TDRD12: variants seen among roughly 807,000 people sequenced by gnomAD.
TDRD12 encodes putative ATP-dependent RNA helicase TDRD12.
TDRD12 carries 158 observed loss-of-function variants against 133.5 expected under a neutral mutation model. The ratio of observed to expected loss-of-function variants is 1.18; its 90% confidence interval spans 1.04 to 1.35. The LOEUF (loss-of-function observed/expected upper bound fraction) is 1.35. TDRD12 is among the 40% of genes most tolerant of loss of function. TDRD12 has a pLI of 0.00. For missense variants in TDRD12, 1,443 were observed against 1,321.3 expected (o/e 1.09, Z -1.43); for synonymous variants, 460 against 477.9 (o/e 0.96, Z 0.49).
intron 11 of TDRD12, among the ~76,000 whole-genome samples, chr19:32,781,687 T>TTCTCTCTCTCTCTCTCTCTCTC (rs35069423): frequency 1.3e-5 from 2 of 148,292 alleles, no homozygotes; most frequent in African/African-American, 4.9e-5. Flanking sequence ...TCCTTTCCTT[T>TTCTCTCTCTCTCTCTCTCTCTC]TCTCTCTCTC....
At chr19:32,765,805 G>A (rs189015995) in intron 8 of TDRD12, among the ~76,000 whole-genome samples, 1 of 151,534 alleles carries the variant, frequency 6.6e-6, no homozygotes, top group East Asian at 1.9e-4. Flanking sequence ...CAAGTTAATG[G>A]GTGCAGCACA....
chr19:32,798,667 C>T lies in TDRD12; in HGVS notation c.1758+232C>T, dbSNP rs1971299604. ...TCTTTCCTAGAGATTTCCTAAAATA[C>T]TTAAAATTTTTCTGATTACAGAAGT... On this transcript the variant is annotated intron_variant, in intron 16 of 27. Coordinates refer to ENST00000444215, the Ensembl canonical transcript of TDRD12. 2.6e-5 allele frequency among the ~76,000 whole-genome samples: 4 copies of T among 152,278 alleles called. No homozygotes were observed. In the South Asian group the frequency reaches 8.3e-4, roughly 32 times the overall value.
At chr19:32,744,922 G>A (rs1217341513) in intron 4 of TDRD12, among the ~76,000 whole-genome samples, 1 of 152,182 alleles carries the variant, frequency 6.6e-6, no homozygotes, top group Non-Finnish European at 1.5e-5. Flanking sequence ...GGGCTGTTTG[G>A]TGACCTTCCC....
Position 32,766,623 on chromosome 19 carries a change from T to G in TDRD12, c.866-6130T>G, listed in dbSNP as rs373498575. On this transcript the variant is annotated intron_variant, in intron 8 of 27. Transcript: ENST00000444215. ...CCTTTGTTAGCTTATTAGCCATAAT[T>G]TTTTTTTTTGAGACAGAGTCTCGCT... 4.6e-5 allele frequency among the ~76,000 whole-genome samples: 7 copies of G among 151,196 alleles called. 1 individual carries two copies. Among genetic ancestry groups the G allele is most frequent in the African/African-American group, 1.7e-4 (7 of 41,268 alleles).
At chr19:32,793,983 G>A (rs1255389399) in intron 13 of TDRD12, among the ~76,000 whole-genome samples, 4 of 57,046 alleles carry the variant, frequency 7.0e-5, no homozygotes, top group Admixed American at 1.5e-4. Flanking sequence ...TAGTAGAGAC[G>A]GGGTTTCTGC....
chr19:32,802,997 G>A lies in TDRD12; in HGVS notation c.2407G>A (p.Val803Met), dbSNP rs1339370432. 6.5e-6 allele frequency: 10 copies of A among 1,536,110 alleles called. No individual in the cohort carries two copies. In the East Asian group the frequency reaches 2.0e-4, roughly 30 times the overall value. The stretch of plus-strand genomic sequence containing the variant: ...GACGGAGAAAGATGCGAGCCATGCG[G>A]TGGGCGTCCTGCGCTACTTGGAGCG... Residue 803 changes from valine to methionine, a missense_variant, in exon 21 of 28, where the codon GTG becomes ATG. Transcript: ENST00000444215.
chr19:32,798,435 G>A (rs1251324353), exon 16 of TDRD12: 1 of 1,532,052 alleles, frequency 6.5e-7, no homozygotes, highest in East Asian at 2.5e-5. Flanking sequence ...CCAATGAACA[G>A]GTGAGCGTGG....
exon 21 of TDRD12, chr19:32,803,139 G>T (rs1394062006): frequency 5.3e-6 from 8 of 1,513,120 alleles, no homozygotes; most frequent in Non-Finnish European, 7.0e-6. Flanking sequence ...TTTGGTTTTT[G>T]CAAGTGAGCC....
intron 4 of TDRD12, among the ~76,000 whole-genome samples, chr19:32,745,404 G>A (rs545316360): frequency 1.2e-4 from 19 of 152,270 alleles, no homozygotes; most frequent in South Asian, 2.1e-4. Flanking sequence ...CCCTTTTAAC[G>A]TGTGTATTAC....
At chr19:32,795,348 AAAAAG>A (rs973547849) in intron 14 of TDRD12, among the ~76,000 whole-genome samples, 7 of 152,014 alleles carry the variant, frequency 4.6e-5, no homozygotes, top group East Asian at 3.9e-4. Context: ...AAAAAAAAAA[AAAAAG>A]AAAGAAAAAG....
In TDRD12 at chr19:32,784,618, T is replaced by C. The variant is rs199673458; in HGVS notation, c.1122-5913T>C. On this transcript the variant is annotated intron_variant, in intron 11 of 27. Coordinates refer to ENST00000444215, the Ensembl canonical transcript of TDRD12. Reference sequence around the variant, plus strand: ...ATTCGGCTGTGAATCTGTCTGTTCCTGGAATTTTTTTTGGTTGGCAGGCTA... The same window carrying C: ...ATTCGGCTGTGAATCTGTCTGTTCCCGGAATTTTTTTTGGTTGGCAGGCTA... Among the ~76,000 whole-genome samples the C allele has an allele frequency of 3.9e-5, 6 of 152,322 alleles. No individual in the cohort carries two copies. The East Asian group carries it at 1.2e-3, about 29-fold the overall frequency.
At chr19:32,760,798 A>G (rs983648536) in intron 8 of TDRD12, among the ~76,000 whole-genome samples, 21 of 152,214 alleles carry the variant, frequency 1.4e-4, no homozygotes, top group African/African-American at 4.6e-4. Context: ...CTGTGCTTCC[A>G]TAGAGTTTAC....
At chr19:32,822,215 A>G (rs925955071), downstream of TDRD12, among the ~76,000 whole-genome samples, 4 of 152,206 alleles carry the variant, frequency 2.6e-5, no homozygotes, top group African/African-American at 9.6e-5. Flanking sequence ...AAATCACTTG[A>G]GGTCAGGAGT....
downstream of TDRD12, chr19:32,821,321 A>G: frequency 1.6e-6 from 1 of 612,354 alleles, no homozygotes; most frequent in Non-Finnish European, 2.9e-6. Context: ...TTTGAGGTCT[A>G]ACTTCCATCC....
chr19:32,818,907 A>G lies in TDRD12; in HGVS notation c.3383+750A>G, dbSNP rs562811762. On this transcript the variant is annotated intron_variant, in intron 27 of 27. Coordinates refer to ENST00000444215, the Ensembl canonical transcript of TDRD12. ...TGCTGGACTAGTGGGCTGCTGGGCT[A>G]GTGACTTGCTGGGTTAGTGGCCTGC... Among the ~76,000 whole-genome samples the G allele has an allele frequency of 2.6e-5, 4 of 152,134 alleles. No individual in the cohort carries two copies. In the East Asian group the frequency reaches 7.7e-4, roughly 29 times the overall value.
At chr19:32,726,268 G>C (rs2145416316) in intron 1 of TDRD12, among the ~76,000 whole-genome samples, 1 of 152,076 alleles carries the variant, frequency 6.6e-6, no homozygotes, top group East Asian at 1.9e-4. Context: ...TTTTAGTAGA[G>C]ACTGGGTTTC....
chr19:32,764,724 T>A (rs1970245998), intron 8 of TDRD12, among the ~76,000 whole-genome samples: 1 of 152,228 alleles, frequency 6.6e-6, no homozygotes. Flanking sequence ...ACTATAATTG[T>A]CTTGTTTTCT....
chr19:32,790,478 A>C, intron 11 of TDRD12, 53 bp from the exon 12 acceptor site: 4 of 1,509,442 alleles, frequency 2.6e-6, no homozygotes, highest in Non-Finnish European at 3.6e-6. Flanking sequence ...GAATAGCTCA[A>C]CTGAGGAAAC....
exon 1 of TDRD12, chr19:32,719,933 G>A: frequency 3.7e-6 from 4 of 1,081,090 alleles, no homozygotes; most frequent in Non-Finnish European, 5.3e-6. Context: ...CACCTGCCGC[G>A]GGGGGCCCAG....
Sources: gnomAD v4.1 joint callset for allele counts (sites outside exome capture counted in the v4.1 genomes callset) on GRCh38, gnomAD v4.1.1 for gene constraint, MANE v1.5 for transcripts, NCBI Gene and HGNC (gene_info 2026-07-23, HGNC 2026-07-21) for gene names.